Variants in JMJD1C observed in about 807,000 individuals in gnomAD.
The protein encoded by JMJD1C is jumonji domain-containing protein 1C.
In JMJD1C, 31 loss-of-function variants were observed where a neutral mutation model predicts 245.3. The ratio of observed to expected loss-of-function variants is 0.13; its 90% confidence interval spans 0.09 to 0.17. The LOEUF (loss-of-function observed/expected upper bound fraction) is 0.17. JMJD1C is among the 10% of genes least tolerant of loss of function. JMJD1C has a pLI of 1.00. For missense variants in JMJD1C, 2,691 were observed against 3,000.2 expected (o/e 0.90, Z 2.41); for synonymous variants, 1,057 against 1,017.4 (o/e 1.04, Z -0.74).
intron 1 of JMJD1C, among the ~76,000 whole-genome samples, chr10:63,385,729 T>C (rs1303067454): frequency 1.3e-5 from 2 of 152,036 alleles, no homozygotes; most frequent in Non-Finnish European, 2.9e-5. Flanking sequence ...TACAGGTGCA[T>C]GTCATTTCAC....
At chr10:63,473,245 TAAAA>T (rs558384171) in intron 1 of JMJD1C, among the ~76,000 whole-genome samples, 1 of 146,858 alleles carries the variant, frequency 6.8e-6, no homozygotes, top group Non-Finnish European at 1.5e-5. Flanking sequence ...CACATTTGGT[TAAAA>T]AAACTTTTTT....
At chr10:63,382,591 C>T (rs185982197) in intron 1 of JMJD1C, among the ~76,000 whole-genome samples, 3 of 152,208 alleles carry the variant, frequency 2.0e-5, no homozygotes, top group East Asian at 1.9e-4. Flanking sequence ...TAACATCATA[C>T]ACAACAGTAA....
At chr10:63,295,047 T>C (rs1043758114) in intron 2 of JMJD1C, among the ~76,000 whole-genome samples, 5 of 151,956 alleles carry the variant, frequency 3.3e-5, no homozygotes, top group African/African-American at 1.2e-4. Flanking sequence ...AATTAGAAGA[T>C]AAAGATTCTT....
At chr10:63,292,418 G>A (rs901159967) in intron 2 of JMJD1C, among the ~76,000 whole-genome samples, 8 of 151,408 alleles carry the variant, frequency 5.3e-5, no homozygotes, top group South Asian at 2.1e-4. Flanking sequence ...CAAGACCAGC[G>A]TGGCCAACAT....
At chr10:63,324,665 A>G (rs549310097) in intron 2 of JMJD1C, among the ~76,000 whole-genome samples, 1 of 152,336 alleles carries the variant, frequency 6.6e-6, no homozygotes. Flanking sequence ...ACTCCTACCT[A>G]TAGAGCTCAT....
intron 2 of JMJD1C, among the ~76,000 whole-genome samples, chr10:63,326,689 G>T (rs999930863): frequency 1.3e-5 from 2 of 152,092 alleles, no homozygotes; most frequent in East Asian, 1.9e-4. Flanking sequence ...AGACCAGCCT[G>T]ACCAACATGG....
intron 1 of JMJD1C, among the ~76,000 whole-genome samples, chr10:63,496,927 T>C (rs1421452448): frequency 6.6e-6 from 1 of 152,188 alleles, no homozygotes; most frequent in African/African-American, 2.4e-5. Context: ...GGTGTTTCCT[T>C]AGTCTGAATA....
rs555528858 is a variant in JMJD1C, at chr10:63,215,429, A to C, written c.849T>G (p.Asn283Lys). 1.2e-6 allele frequency: 2 copies of C among 1,613,954 alleles called. No individual in the cohort carries two copies. Among genetic ancestry groups the C allele is most frequent in the African/African-American group, 2.7e-5 (2 of 74,904 alleles). ...VHSHYTRAQA[N>K]SPRPAMNSQA... ...GGGAGTTCATTGCTGGTCTGGGACT[A>C]TTTGCTTGGGCACGTGTATAATGGC... is the stretch of plus-strand genomic sequence containing the variant. The change falls in exon 7 of 26, where the codon AAT becomes AAG. Residue 283 changes from asparagine to lysine, a missense_variant. Coordinates refer to ENST00000399262, the MANE Select transcript of JMJD1C (RefSeq NM_032776.3).
chr10:63,402,525 A>G (rs1247477971), intron 1 of JMJD1C, among the ~76,000 whole-genome samples: 1 of 152,198 alleles, frequency 6.6e-6, no homozygotes, highest in Admixed American at 6.5e-5. Flanking sequence ...TGTGCAGTCA[A>G]GTAGCTGTTT....
rs373576462 is a variant in JMJD1C at position 63,284,227 on chromosome 10, T to C, written c.334-19463A>G. ...TTTTAGTAGATATGGGGTTTCACCA[T>C]GTTGAGCAGGCTGGTCTAGAACTCC... On this transcript the variant is annotated intron_variant, in intron 2 of 25. Coordinates refer to ENST00000399262, the MANE Select transcript of JMJD1C (RefSeq NM_032776.3). Among the ~76,000 whole-genome samples, 25 of 152,232 alleles carry C rather than the reference T, an allele frequency of 1.6e-4. No homozygotes were observed. The East Asian group carries it at 4.6e-3, about 28-fold the overall frequency.
chr10:63,414,800 G>A (rs962834197), intron 1 of JMJD1C, among the ~76,000 whole-genome samples: 4 of 151,840 alleles, frequency 2.6e-5, no homozygotes, highest in Non-Finnish European at 4.4e-5. Flanking sequence ...CCAGCTACTC[G>A]GGTGGCTGAG....
intron 4 of JMJD1C, among the ~76,000 whole-genome samples, chr10:63,218,248 A>G (rs1848212881): frequency 6.6e-6 from 1 of 152,050 alleles, no homozygotes; most frequent in African/African-American, 2.4e-5. Flanking sequence ...GACTGAATTT[A>G]TTTTTCTGAT....
intron 1 of JMJD1C, among the ~76,000 whole-genome samples, chr10:63,445,492 G>GAA (rs1293778310): frequency 6.6e-6 from 1 of 152,128 alleles, no homozygotes; most frequent in Admixed American, 6.6e-5. Flanking sequence ...CATGTTCAAG[G>GAA]AACAGCAAAA....
chr10:63,172,317 G>A (rs1842443351), intron 24 of JMJD1C, among the ~76,000 whole-genome samples: 1 of 152,184 alleles, frequency 6.6e-6, no homozygotes, highest in Non-Finnish European at 1.5e-5. Context: ...ACTTTTGGAA[G>A]TAGCCAGAGA....
chr10:63,427,740 T>C, intron 1 of JMJD1C: 1 of 1,379,748 alleles, frequency 7.2e-7, no homozygotes, highest in Non-Finnish European at 1.0e-6. Flanking sequence ...AATTTGGTCT[T>C]GCCCAGTTCA....
rs190023020 is a variant in JMJD1C, at chr10:63,462,947, G to A, written c.168+2548C>T. 3.9e-5 allele frequency among the ~76,000 whole-genome samples: 6 copies of A among 151,906 alleles called. 1 individual carries two copies. In the South Asian group the frequency reaches 6.2e-4, roughly 16 times the overall value. On this transcript the variant is annotated intron_variant, in intron 1 of 25. Transcript: ENST00000399262. Reference sequence around the variant, plus strand: ...CATAAGACCCAAAATAAGAATAACTGATTATCTTTGAGACACAATATTCCC... The same window carrying A: ...CATAAGACCCAAAATAAGAATAACTAATTATCTTTGAGACACAATATTCCC...
At chr10:63,496,484 T>A (rs1266413713) in intron 1 of JMJD1C, among the ~76,000 whole-genome samples, 1 of 152,232 alleles carries the variant, frequency 6.6e-6, no homozygotes, top group Non-Finnish European at 1.5e-5. Flanking sequence ...CACTCTCTTC[T>A]TCTTCCAAAG....
Position 63,322,671 on chromosome 10 carries a change from C to T in JMJD1C, c.333+57647G>A, listed in dbSNP as rs555142894. ...CTACTAAAAATACAAAAATTAGTGG[C>T]GCGCTCCTGTAGTCCCAGCTACTAG... On this transcript the variant is annotated intron_variant, in intron 2 of 25. Coordinates refer to ENST00000399262, the MANE Select transcript of JMJD1C (RefSeq NM_032776.3). Among the ~76,000 whole-genome samples, 14 of 151,430 alleles carry T rather than the reference C, an allele frequency of 9.2e-5. No homozygotes were observed. The East Asian group carries it at 2.2e-3, about 23-fold the overall frequency.
At chr10:63,420,812 A>C (rs1242681560) in intron 1 of JMJD1C, among the ~76,000 whole-genome samples, 1 of 152,110 alleles carries the variant, frequency 6.6e-6, no homozygotes, top group Non-Finnish European at 1.5e-5. Context: ...ACAAACTCTA[A>C]GAAAGTAAAA....
Sources: gnomAD v4.1 joint callset for allele counts (sites outside exome capture counted in the v4.1 genomes callset) on GRCh38, gnomAD v4.1.1 for gene constraint, MANE v1.5 for transcripts, NCBI Gene and HGNC (gene_info 2026-07-23, HGNC 2026-07-21) for gene names.